TBC1D19: variants seen among roughly 807,000 people sequenced by gnomAD.
The protein encoded by TBC1D19 is TBC1 domain family member 19, also known as TBC1 domain family, member 19.
A neutral mutation model predicts 89.0 loss-of-function variants in TBC1D19; 60 were observed. That is an observed-to-expected ratio of 0.67 (90% CI 0.55 to 0.84). The LOEUF is 0.84. Ranked by LOEUF, TBC1D19 falls within the 40% of genes least tolerant of loss-of-function variation. TBC1D19 has a pLI of 0.00. For synonymous variants in TBC1D19, 189 were observed against 199.7 expected (o/e 0.95, Z 0.45); for missense variants, 500 against 610.8 (o/e 0.82, Z 1.91).
At chr4:26,665,624 A>C (rs1190185040) in intron 8 of TBC1D19, among the ~76,000 whole-genome samples, 1 of 152,030 alleles carries the variant, frequency 6.6e-6, no homozygotes, top group African/African-American at 2.4e-5. Flanking sequence ...AAATTAATTT[A>C]AGTTGTTTTG....
chr4:26,783,837 A>G, the TBC1D19 span, among the ~76,000 whole-genome samples: 2 of 151,740 alleles, frequency 1.3e-5, no homozygotes, highest in Non-Finnish European at 1.5e-5. Context: ...CCTGGCAACC[A>G]TGCATCTTAG....
intron 4 of TBC1D19, among the ~76,000 whole-genome samples, chr4:26,628,309 G>A (rs1221936426): frequency 2.0e-5 from 3 of 152,162 alleles, no homozygotes; most frequent in African/African-American, 7.2e-5. Context: ...ATAGTTTGAA[G>A]TCAGGTAGCA....
intron 8 of TBC1D19, among the ~76,000 whole-genome samples, chr4:26,662,353 A>T (rs1161320668): frequency 1.3e-5 from 2 of 152,230 alleles, no homozygotes; most frequent in African/African-American, 2.4e-5. Context: ...AAAAATACAT[A>T]TCAATAGATG....
the TBC1D19 span, among the ~76,000 whole-genome samples, chr4:26,805,985 A>G: frequency 6.6e-6 from 1 of 151,686 alleles, no homozygotes; most frequent in African/African-American, 2.4e-5. Context: ...AAAAAGGGAA[A>G]GAAAAAGTAT....
the TBC1D19 span, among the ~76,000 whole-genome samples, chr4:26,798,893 G>T: frequency 6.6e-6 from 1 of 151,964 alleles, no homozygotes; most frequent in African/African-American, 2.4e-5. Flanking sequence ...AGGGTAGAAG[G>T]GGGGATGAGG....
intron 16 of TBC1D19, among the ~76,000 whole-genome samples, chr4:26,737,291 T>C (rs1230545423): frequency 6.6e-6 from 1 of 152,166 alleles, no homozygotes; most frequent in African/African-American, 2.4e-5. Context: ...CCTTACAGCG[T>C]ATTTATCTTA....
At chr4:26,753,332 A>T (rs1205756675) in intron 19 of TBC1D19, among the ~76,000 whole-genome samples, 1 of 152,154 alleles carries the variant, frequency 6.6e-6, no homozygotes, top group Admixed American at 6.5e-5. Context: ...AACCTTAATC[A>T]GTAAGACAGT....
the TBC1D19 span, among the ~76,000 whole-genome samples, chr4:26,795,921 C>T: frequency 6.6e-6 from 1 of 152,178 alleles, no homozygotes; most frequent in African/African-American, 2.4e-5. Flanking sequence ...CCATATGTAT[C>T]CCTCCAGAAT....
At chr4:26,667,176 A>C (rs1313567809) in intron 9 of TBC1D19, among the ~76,000 whole-genome samples, 1 of 152,018 alleles carries the variant, frequency 6.6e-6, no homozygotes, top group Non-Finnish European at 1.5e-5. Flanking sequence ...ATATTGTCTC[A>C]TTTTAACCTC....
chr4:26,668,864 AAGTC>A (rs1294499276), intron 9 of TBC1D19, among the ~76,000 whole-genome samples: 1 of 151,860 alleles, frequency 6.6e-6, no homozygotes, highest in Non-Finnish European at 1.5e-5. Context: ...TTTTATATAA[AAGTC>A]AGGAGAAAAA....
chr4:26,825,249 C>T, the TBC1D19 span, among the ~76,000 whole-genome samples: 1 of 152,134 alleles, frequency 6.6e-6, no homozygotes, highest in East Asian at 1.9e-4. Context: ...CAGGTGCACA[C>T]CACCACGCCC....
chr4:26,581,920 C>T (rs192081997), upstream of TBC1D19, among the ~76,000 whole-genome samples: 12 of 151,528 alleles, frequency 7.9e-5, no homozygotes, highest in East Asian at 2.1e-3. Context: ...TATACTCCGA[C>T]ACATCTGCTT....
chr4:26,610,037 G>A (rs776886304), intron 1 of TBC1D19, among the ~76,000 whole-genome samples: 1 of 152,080 alleles, frequency 6.6e-6, no homozygotes, highest in East Asian at 1.9e-4. Flanking sequence ...AGGGAGTTTT[G>A]AGAGTGCCAG....
At chr4:26,620,045 C>T (rs1415870397) in intron 3 of TBC1D19, among the ~76,000 whole-genome samples, 1 of 152,158 alleles carries the variant, frequency 6.6e-6, no homozygotes, top group African/African-American at 2.4e-5. Flanking sequence ...CTTCCTACTG[C>T]CTTTTCTATC....
chr4:26,763,803 G>C, the TBC1D19 span, among the ~76,000 whole-genome samples: 9 of 152,324 alleles, frequency 5.9e-5, no homozygotes, highest in Middle Eastern at 3.4e-3. Context: ...GTGCTGACAG[G>C]GAAAAGACCA....
intron 1 of TBC1D19, among the ~76,000 whole-genome samples, chr4:26,610,946 T>A (rs1741343734): frequency 6.6e-6 from 1 of 152,166 alleles, no homozygotes; most frequent in East Asian, 1.9e-4. Flanking sequence ...TGATTTATAT[T>A]CCTTTGGATA....
At chr4:26,632,992 G>A (rs866214894) in intron 4 of TBC1D19, among the ~76,000 whole-genome samples, 27 of 152,108 alleles carry the variant, frequency 1.8e-4, no homozygotes, top group African/African-American at 6.3e-4. Context: ...TCTGTATCTT[G>A]CAACCCTTCA....
Position 26,756,120 on chromosome 4 carries a change from C to T in TBC1D19, c.*1173C>T, listed in dbSNP as rs1719252144. Among the ~76,000 whole-genome samples, 1 of 152,082 alleles carries T rather than the reference C, an allele frequency of 6.6e-6. No homozygotes were observed. ...GTATTTTATGAGTCTTTTATTTTGGCAGTATGTATTAGGAAAAATGCTTGT... is the reference window on the plus strand; with the variant it reads ...GTATTTTATGAGTCTTTTATTTTGGTAGTATGTATTAGGAAAAATGCTTGT... On this transcript the variant is annotated 3_prime_UTR_variant, in exon 21 of 21. Coordinates refer to ENST00000264866, the MANE Select transcript of TBC1D19 (RefSeq NM_018317.4).
intron 4 of TBC1D19, among the ~76,000 whole-genome samples, chr4:26,627,446 AAC>A (rs1742494318): frequency 6.6e-6 from 1 of 152,104 alleles, no homozygotes; most frequent in Non-Finnish European, 1.5e-5. Flanking sequence ...CTAGTTCTAG[AAC>A]CCTGAGGAAT....
Sources: gnomAD v4.1 joint callset for allele counts (sites outside exome capture counted in the v4.1 genomes callset) on GRCh38, gnomAD v4.1.1 for gene constraint, MANE v1.5 for transcripts, NCBI Gene and HGNC (gene_info 2026-07-23, HGNC 2026-07-21) for gene names.